The following NKAIN2 variants were observed in gnomAD, a reference collection of about 807,000 sequenced individuals.
NKAIN2 encodes sodium/potassium-transporting ATPase subunit beta-1-interacting protein 2.
NKAIN2 carries 14 observed loss-of-function variants against 32.6 expected under a neutral mutation model. The ratio of observed to expected loss-of-function variants is 0.43; its 90% CI spans 0.28 to 0.67. The LOEUF is 0.67. Ranked by LOEUF, NKAIN2 falls within the 30% of genes least tolerant of loss-of-function variation. The probability of loss-of-function intolerance (pLI) is 0.17; values close to 1 mark genes in which losing one functional copy is unlikely to be tolerated. For missense variants in NKAIN2, 198 were observed against 258.3 expected, an observed-to-expected ratio of 0.77 and a Z score of 1.60; for synonymous variants, 80 against 87.2, an observed-to-expected ratio of 0.92 and a Z score of 0.46.
At chr6:124,678,494 C>T (rs1446086339) in intron 4 of NKAIN2, among the ~76,000 whole-genome samples, 1 of 152,070 alleles carries the variant, frequency 6.6e-6, no homozygotes, top group Non-Finnish European at 1.5e-5. Flanking sequence ...CTGATCAAGT[C>T]TGCTGTTGTA....
chr6:123,851,045 G>T (rs1245368463), intron 1 of NKAIN2, among the ~76,000 whole-genome samples: 3 of 151,736 alleles, frequency 2.0e-5, no homozygotes, highest in African/African-American at 7.3e-5. Context: ...AGGCTGAATT[G>T]TATTCCATTG....
At chr6:124,379,255 GGGA>G (rs1324316417) in intron 3 of NKAIN2, among the ~76,000 whole-genome samples, 1 of 139,956 alleles carries the variant, frequency 7.1e-6, no homozygotes, top group Non-Finnish European at 1.6e-5. Context: ...GGAGAGAGAA[GGGA>G]GGAGAGGAGA....
intron 1 of NKAIN2, among the ~76,000 whole-genome samples, chr6:124,068,131 G>A (rs1582574253): frequency 6.6e-6 from 1 of 152,212 alleles, no homozygotes; most frequent in East Asian, 1.9e-4. Flanking sequence ...AAAAACCTAA[G>A]CAGTCTGGTT....
chr6:124,727,602 C>T (rs1404298109), intron 4 of NKAIN2, among the ~76,000 whole-genome samples: 2 of 151,912 alleles, frequency 1.3e-5, no homozygotes, highest in Non-Finnish European at 2.9e-5. Flanking sequence ...ACTGCAAAAT[C>T]ATGCCAAAAT....
intron 3 of NKAIN2, among the ~76,000 whole-genome samples, chr6:124,578,635 C>T (rs1437938022): frequency 1.3e-5 from 2 of 151,970 alleles, no homozygotes; most frequent in African/African-American, 4.8e-5. Flanking sequence ...CTACTGGGGC[C>T]AGGGGCAACT....
chr6:124,706,974 A>C (rs530540530), intron 4 of NKAIN2, among the ~76,000 whole-genome samples: 3 of 150,384 alleles, frequency 2.0e-5, no homozygotes, highest in East Asian at 2.0e-4. Context: ...ATATCTCCCA[A>C]TGCTATCCGT....
At chr6:123,987,148 A>G (rs1779175989) in intron 1 of NKAIN2, among the ~76,000 whole-genome samples, 1 of 152,170 alleles carries the variant, frequency 6.6e-6, no homozygotes, top group African/African-American at 2.4e-5. Flanking sequence ...CAAAAGCTTC[A>G]AAAATAAGAA....
chr6:124,488,836 GATTATTTTATTGAGTAT>G (rs1433952971), intron 3 of NKAIN2, among the ~76,000 whole-genome samples: 1 of 151,918 alleles, frequency 6.6e-6, no homozygotes, highest in Non-Finnish European at 1.5e-5. Flanking sequence ...GTTTTATGTG[GATTATTTTATTGAGTAT>G]GTGATGGTTT....
At position 123,911,052 on chromosome 6, in the gene NKAIN2, A is replaced by G. The variant is rs555357399; in HGVS notation, c.54+106798A>G. Among the ~76,000 whole-genome samples the G allele has an allele frequency of 1.5e-3, 232 of 152,226 alleles. 2 individuals carry two copies. Among genetic ancestry groups the G allele is most frequent in the African/African-American group, 5.5e-3 (228 of 41,550 alleles). ...TTTATATTCACCTGAAATGTTGATC[A>G]GACTTTTACCTAGGTTGCTATATTC... On this transcript the variant is annotated intron_variant, in intron 1 of 6. Transcript: ENST00000368417.
chr6:124,573,631 T>A (rs1432654175), intron 3 of NKAIN2, among the ~76,000 whole-genome samples: 1 of 152,182 alleles, frequency 6.6e-6, no homozygotes. Flanking sequence ...AAATTTTTTT[T>A]AAGATGCAAT....
intron 3 of NKAIN2, among the ~76,000 whole-genome samples, chr6:124,502,720 T>C (rs971955613): frequency 2.0e-5 from 3 of 152,198 alleles, no homozygotes; most frequent in African/African-American, 7.2e-5. Context: ...TTTCTATTTC[T>C]TTATTAATCC....
At chr6:123,874,195 C>T (rs1001356810) in intron 1 of NKAIN2, among the ~76,000 whole-genome samples, 2 of 152,236 alleles carry the variant, frequency 1.3e-5, no homozygotes, top group East Asian at 3.9e-4. Flanking sequence ...GTGCATCCTG[C>T]CGGACTTCTA....
intron 1 of NKAIN2, among the ~76,000 whole-genome samples, chr6:124,057,480 A>G (rs896123157): frequency 6.6e-6 from 1 of 152,006 alleles, no homozygotes; most frequent in African/African-American, 2.4e-5. Context: ...TAAAAAGTAT[A>G]TATTTTTCGA....
chr6:124,408,047 GT>G (rs1321944893), intron 3 of NKAIN2, among the ~76,000 whole-genome samples: 1 of 151,974 alleles, frequency 6.6e-6, no homozygotes, highest in African/African-American at 2.4e-5. Flanking sequence ...GGGGTTGTTT[GT>G]TTTTTTCTTG....
chr6:124,000,171 G>T (rs894679455), intron 1 of NKAIN2, among the ~76,000 whole-genome samples: 4 of 152,040 alleles, frequency 2.6e-5, no homozygotes, highest in Non-Finnish European at 4.4e-5. Flanking sequence ...CTGATGGTTT[G>T]GTAACGATAT....
At chr6:124,520,558 G>A (rs569170402) in intron 3 of NKAIN2, among the ~76,000 whole-genome samples, 1 of 152,226 alleles carries the variant, frequency 6.6e-6, no homozygotes, top group East Asian at 1.9e-4. Flanking sequence ...AGATGACAGT[G>A]GAGAGCAAGA....
chr6:124,275,507 A>T (rs1455916399), intron 1 of NKAIN2, among the ~76,000 whole-genome samples: 6 of 152,062 alleles, frequency 3.9e-5, no homozygotes, highest in Non-Finnish European at 7.4e-5. Context: ...ATAAATGTTG[A>T]TTTTCATCAT....
intron 3 of NKAIN2, among the ~76,000 whole-genome samples, chr6:124,611,999 G>T (rs927721512): frequency 2.7e-5 from 4 of 146,548 alleles, no homozygotes; most frequent in African/African-American, 1.0e-4. Flanking sequence ...ATAAACAAAC[G>T]GTAGGTATTT....
intron 3 of NKAIN2, among the ~76,000 whole-genome samples, chr6:124,577,353 C>T (rs1583465578): frequency 6.6e-6 from 1 of 152,146 alleles, no homozygotes; most frequent in Non-Finnish European, 1.5e-5. Context: ...CCTGCACCCC[C>T]CAGCAGCAGC....
Sources: gnomAD v4.1 joint callset for allele counts (sites outside exome capture counted in the v4.1 genomes callset) on GRCh38, gnomAD v4.1.1 for gene constraint, MANE v1.5 for transcripts, NCBI Gene and HGNC (gene_info 2026-07-23, HGNC 2026-07-21) for gene names.